JAG1: variants seen among roughly 807,000 people sequenced by gnomAD.
The protein encoded by JAG1 is jagged canonical Notch ligand 1.
In JAG1, 23 loss-of-function variants were observed where a neutral mutation model predicts 148.7. That is an observed-to-expected ratio of 0.15 (90% confidence interval 0.11 to 0.22). The LOEUF (loss-of-function observed/expected upper bound fraction) is 0.22. Ranked by LOEUF, JAG1 falls within the 10% of genes least tolerant of loss-of-function variation. The pLI is 1.00. For synonymous variants in JAG1, 572 were observed against 598.3 expected, an observed-to-expected ratio of 0.96 and a Z score of 0.64; for missense variants, 1,054 against 1,611.2, an observed-to-expected ratio of 0.65 and a Z score of 5.92.
chr20:10,639,250 C>T lies in JAG1; in HGVS notation c.*248G>A, dbSNP rs1329727849. 4.3e-5 allele frequency: 23 copies of T among 539,994 alleles called. No homozygotes were observed. The highest frequency in any genetic ancestry group is 4.2e-4 in the East Asian group (12 of 28,592). The allele number at this position is 539,994 out of a possible 1,614,324, so 33.5% of individuals were successfully genotyped here. Reference sequence around the variant, plus strand: ...GGCTCCTGGGAGCCTGATCCGAGACCGTGTCGGCTGCAAGGGGACACACAA... The same window carrying T: ...GGCTCCTGGGAGCCTGATCCGAGACTGTGTCGGCTGCAAGGGGACACACAA... On this transcript the variant is annotated 3_prime_UTR_variant, in exon 26 of 26. Transcript: ENST00000254958.
At position 10,672,823 on chromosome 20, in the gene JAG1, C is replaced by A. The variant is rs199545881; in HGVS notation, c.265G>T (p.Gly89Trp). 1 of 1,613,212 alleles carries A rather than the reference C, an allele frequency of 6.2e-7. No homozygotes were observed. Among genetic ancestry groups the A allele is most frequent in the East Asian group, 2.2e-5 (1 of 44,862 alleles). Residue 89 changes from glycine (G) to tryptophan (W), a missense_variant, in exon 2 of 26, where the codon GGG (glycine) becomes TGG (tryptophan). Gly to Trp is a radical substitution (Grantham distance 184). This residue lies in a region of JAG1 where 151 missense variants were observed against 211.1 expected (regional missense o/e 0.72). Transcript: ENST00000254958. ...CCTGAGCCGAAGCTGCAGGGCCCCC[C>A]GGCCGTGACGCGGGACTGATACTCC... ...LKEYQSRVTAGGPCSFGSGST... is the reference protein window; with the variant it reads ...LKEYQSRVTAWGPCSFGSGST...
At chr20:10,641,320 G>T (rs1568791844) in intron 23 of JAG1, 76 bp from the exon 24 acceptor site, 1 of 1,584,314 alleles carries the variant, frequency 6.3e-7, no homozygotes, top group Non-Finnish European at 8.6e-7. Flanking sequence ...TCTCTTTGAG[G>T]CTGGCTAAGT....
chr20:10,641,810 G>A lies in JAG1; in HGVS notation c.2655C>T (p.Cys885=), dbSNP rs1266018875. The change falls in exon 22 of 26, where the codon TGC becomes TGT. Residue 885 remains cysteine, a synonymous_variant. Transcript: ENST00000254958. ...KWDDDCNTCQ[C]LNGRIACSKV... ...TTGAGCAGGCGATCCGTCCATTCAG[G>A]CACTGGCAGGTATTACAGTCATCAT... 1 of 1,613,788 alleles carries A rather than the reference G, an allele frequency of 6.2e-7. No homozygotes were observed. Among genetic ancestry groups the A allele is most frequent in the Non-Finnish European group, 8.5e-7 (1 of 1,179,764 alleles).
intron 12 of JAG1, 101 bp downstream of exon 12, chr20:10,648,448 G>C: frequency 9.9e-7 from 1 of 1,010,710 alleles, no homozygotes; most frequent in South Asian, 1.3e-5. Context: ...TAGATGTTAG[G>C]AAATTCCAGA....
intron 14 of JAG1, among the ~76,000 whole-genome samples, chr20:10,646,576 G>GGT (rs1343637356): frequency 1.3e-5 from 2 of 152,150 alleles, no homozygotes; most frequent in Admixed American, 1.3e-4. Flanking sequence ...GCCAAGTTGG[G>GGT]GGTCGGGGGG....
chr20:10,671,116 G>A (rs1011798863), intron 2 of JAG1, among the ~76,000 whole-genome samples: 1 of 152,094 alleles, frequency 6.6e-6, no homozygotes, highest in African/African-American at 2.4e-5. Context: ...CAGATCCTCC[G>A]GCAGGAGGGT....
At position 10,644,847 on chromosome 20, in the gene JAG1, G is replaced by T. The variant is rs566576965; in HGVS notation, c.2344+16C>A. 11 of 1,574,620 alleles carry T rather than the reference G, an allele frequency of 7.0e-6. No homozygotes were observed. Among genetic ancestry groups the T allele is most frequent in the South Asian group, 5.5e-5 (5 of 90,240 alleles). Reference sequence around the variant, plus strand: ...TCCGACAGCCCTGGGAGAGTTCAAGGGGGGAGGACACTCACTCTGAGCACA... The same window carrying T: ...TCCGACAGCCCTGGGAGAGTTCAAGTGGGGAGGACACTCACTCTGAGCACA... On this transcript the variant is annotated intron_variant, in intron 18 of 25. Transcript: ENST00000254958.
At chr20:10,651,336 G>T in intron 8 of JAG1, 1 of 478,382 alleles carries the variant, frequency 2.1e-6, no homozygotes, top group Non-Finnish European at 3.8e-6. Flanking sequence ...AGATGCAAAG[G>T]AACAAGCGAT....
At chr20:10,650,478 A>G in intron 8 of JAG1, 118 bp from the exon 9 acceptor site, 1 of 709,514 alleles carries the variant, frequency 1.4e-6, no homozygotes, top group Non-Finnish European at 2.6e-6. Context: ...ACCTGCTACA[A>G]GGAAAGCTAC....
At chr20:10,651,206 T>G in intron 8 of JAG1, 1 of 203,060 alleles carries the variant, frequency 4.9e-6, no homozygotes, top group South Asian at 9.9e-5. Flanking sequence ...CAGGTTCTTC[T>G]CTGGGGCCCC....
At chr20:10,652,975 C>T (rs1388721076) in intron 5 of JAG1, among the ~76,000 whole-genome samples, 1 of 152,136 alleles carries the variant, frequency 6.6e-6, no homozygotes, top group Admixed American at 6.5e-5. Flanking sequence ...AGAGCTATGC[C>T]AAAGTCTCTG....
chr20:10,659,559 CTTTTTTT>C (rs35826283), intron 3 of JAG1, among the ~76,000 whole-genome samples: 1,125 of 105,170 alleles, frequency 0.011, 56 homozygotes, highest in African/African-American at 0.038. Flanking sequence ...GATTAAGTTA[CTTTTTTT>C]TTTTTTTTTT....
Position 10,673,112 on chromosome 20 carries a change from C to A in JAG1, c.82-106G>T. ...CCCCGCCCCGACGAGCCCTCCTCGC[C>A]GAGTGAAAATAATTTTGCGAAACTA... On this transcript the variant is annotated intron_variant, in intron 1 of 25. Transcript: ENST00000254958. This position sits in a 1 kb window ranked among gnomAD's most constrained non-coding sequence, Gnocchi z 4.7. 9.5e-7 allele frequency: 1 copy of A among 1,056,372 alleles called. No individual in the cohort carries two copies. Among genetic ancestry groups the A allele is most frequent in the South Asian group, 1.3e-5 (1 of 76,252 alleles). 65.4% of individuals were successfully genotyped at this position (1,056,372 alleles called of 1,614,324 possible).
intron 18 of JAG1, chr20:10,644,653 G>A: frequency 3.1e-6 from 2 of 642,296 alleles, no homozygotes; most frequent in Non-Finnish European, 5.6e-6. Flanking sequence ...CCAGAGCTGG[G>A]AACTGAGACG....
rs1190541947 is a variant in JAG1, at chr20:10,646,044, G to C, written c.1926C>G (p.Gly642=). 4 of 1,613,896 alleles carry C rather than the reference G, an allele frequency of 2.5e-6. No individual in the cohort carries two copies. The highest frequency in any genetic ancestry group is 3.4e-6 in the Non-Finnish European group (4 of 1,179,832). The change falls in exon 15 of 26, where the codon GGC becomes GGG. Residue 642 remains glycine, a synonymous_variant. Transcript: ENST00000254958. Reference sequence around the variant, plus strand: ...AGGAGTTGACACCATCGATGCAAGTGCCACCGTTTCTACAAGGGTTGCTCT... The same window carrying C: ...AGGAGTTGACACCATCGATGCAAGTCCCACCGTTTCTACAAGGGTTGCTCT... ...DCESNPCRNG[G]TCIDGVNSYK...
In JAG1 at chr20:10,669,547, C is replaced by CAAAAAAAAAAAAAAAAA. The variant is rs56122797; in HGVS notation, c.387+3137_387+3153dup. Among the ~76,000 whole-genome samples, 32 of 44,198 alleles carry CAAAAAAAAAAAAAAAAA rather than the reference C, an allele frequency of 7.2e-4. 7 individuals carry two copies. Among genetic ancestry groups the CAAAAAAAAAAAAAAAAA allele is most frequent in the Admixed American group, 8.4e-4 (3 of 3,584 alleles). The allele number at this position is 44,198 out of a possible 152,430, so 29.0% of individuals were successfully genotyped here. On this transcript the variant is annotated intron_variant, in intron 2 of 25. Coordinates refer to ENST00000254958, the MANE Select transcript of JAG1 (RefSeq NM_000214.3). ...AAGAATCACGTTTCATTGGATTTTC[C>CAAAAAAAAAAAAAAAAA]AAAAAAAAAAAAAAAAAAAAAAAAA...
At position 10,648,739 on chromosome 20, in the gene JAG1, G is replaced by A. The variant is rs188166112; in HGVS notation, c.1396-17C>T. 13 of 1,612,828 alleles carry A rather than the reference G, an allele frequency of 8.1e-6. No homozygotes were observed. The Admixed American group carries it at 2.2e-4, about 27-fold the overall frequency. ...AACCAAATCCTAGAAGAGGAGAAGG[G>A]GAGAGAGAGACACATGCTTTTTTTC... On this transcript the variant is annotated splice_polypyrimidine_tract_variant and intron_variant, in intron 11 of 25. Transcript: ENST00000254958.
intron 5 of JAG1, 170 bp from the exon 6 acceptor site, chr20:10,652,768 T>C (rs1256995178): frequency 4.6e-5 from 29 of 625,118 alleles, no homozygotes; most frequent in Non-Finnish European, 6.0e-5. Context: ...ATTTTCACAG[T>C]TGAGCTGAGG....
rs886039539 is a variant in JAG1, at chr20:10,672,940, G to A, written c.148C>T (p.Gln50Ter). ...GCGCCGCCGCAGCAGTTCCCGTTCT[G>A]CAGCTCCCCGTTCACGTTCTGCATG... ...LSMQNVNGELQNGNCCGGARN... is the reference protein window; with the variant it reads ...LSMQNVNGEL Residue 50 changes from glutamine (Q) to a stop codon, truncating the protein, a stop_gained, in exon 2 of 26, where the codon CAG becomes TAG. Transcript: ENST00000254958. LOFTEE classifies it high-confidence loss of function. 6.2e-7 allele frequency: 1 copy of A among 1,613,076 alleles called. No homozygotes were observed. Among genetic ancestry groups the A allele is most frequent in the Non-Finnish European group, 8.5e-7 (1 of 1,180,004 alleles).
Sources: gnomAD v4.1 joint callset for allele counts (sites outside exome capture counted in the v4.1 genomes callset) on GRCh38, gnomAD v4.1.1 for gene constraint, gnomAD v4.1.1 regional missense constraint, Gnocchi (gnomAD v3.1) non-coding constraint, MANE v1.5 for transcripts, NCBI Gene and HGNC (gene_info 2026-07-23, HGNC 2026-07-21) for gene names.